MEF2C: variants seen among roughly 807,000 people sequenced by gnomAD.
The protein encoded by MEF2C is myocyte enhancer factor 2C, also known as myocyte-specific enhancer factor 2C.
A neutral mutation model predicts 50.5 loss-of-function variants in MEF2C; 6 were observed. The ratio of observed to expected loss-of-function variants is 0.12; its 90% confidence interval spans 0.07 to 0.23. The LOEUF is 0.23. MEF2C is among the 10% of genes least tolerant of loss of function. The pLI is 1.00. For missense variants in MEF2C, 276 were observed against 605.0 expected (o/e 0.46, Z 5.70); for synonymous variants, 183 against 228.0 (o/e 0.80, Z 1.78).
intron 3 of MEF2C, among the ~76,000 whole-genome samples, chr5:88,788,331 G>A (rs1487024004): frequency 6.6e-6 from 1 of 151,844 alleles, no homozygotes; most frequent in Non-Finnish European, 1.5e-5. Context: ...CTCCCGAGTA[G>A]CTGGGATTAC....
chr5:88,788,064 T>C (rs1481251352), intron 3 of MEF2C, among the ~76,000 whole-genome samples: 1 of 152,222 alleles, frequency 6.6e-6, no homozygotes, highest in East Asian at 1.9e-4. Flanking sequence ...ACAGTGGGCA[T>C]GTCATAAATG....
chr5:88,861,378 C>A (rs1384149909), intron 1 of MEF2C, among the ~76,000 whole-genome samples: 1 of 152,186 alleles, frequency 6.6e-6, no homozygotes, highest in Non-Finnish European at 1.5e-5. Flanking sequence ...AATGTGAAGC[C>A]AGATCTGAAA....
chr5:88,733,039 T>A, intron 6 of MEF2C: 1 of 975,434 alleles, frequency 1.0e-6, no homozygotes, highest in Non-Finnish European at 1.2e-6. Context: ...GGTAATCCAA[T>A]ACATACTCAT....
chr5:88,740,541 AG>A, intron 6 of MEF2C: 1 of 984,250 alleles, frequency 1.0e-6, no homozygotes, highest in African/African-American at 1.7e-5. Context: ...TCACCCTGTC[AG>A]CAAGGAAGAG....
chr5:88,810,968 A>G (rs990238908), intron 2 of MEF2C, among the ~76,000 whole-genome samples: 1 of 152,164 alleles, frequency 6.6e-6, no homozygotes, highest in South Asian at 2.1e-4. Flanking sequence ...ATTTTTAAAA[A>G]ACAATTACAA....
At chr5:88,816,402 A>C (rs923856716) in intron 2 of MEF2C, among the ~76,000 whole-genome samples, 2 of 151,448 alleles carry the variant, frequency 1.3e-5, no homozygotes, top group African/African-American at 4.9e-5. Context: ...CTAAGGGATA[A>C]AATGGAAATG....
At chr5:88,861,502 C>G (rs1363297682) in intron 1 of MEF2C, among the ~76,000 whole-genome samples, 1 of 152,154 alleles carries the variant, frequency 6.6e-6, no homozygotes, top group Non-Finnish European at 1.5e-5. Context: ...CAGTTCTGAG[C>G]TAATTCACCT....
At chr5:88,881,251 A>G (rs975450166) in intron 1 of MEF2C, 8 of 152,206 alleles carry the variant, frequency 5.3e-5, no homozygotes, top group Non-Finnish European at 1.2e-4. Context: ...TACAAATAGA[A>G]TGAGATATTT....
chr5:88,850,971 A>G (rs1561333898), intron 1 of MEF2C, among the ~76,000 whole-genome samples: 1 of 151,894 alleles, frequency 6.6e-6, no homozygotes, highest in Non-Finnish European at 1.5e-5. Flanking sequence ...CTTTTCTATG[A>G]TTTTCTTAAG....
intron 3 of MEF2C, among the ~76,000 whole-genome samples, chr5:88,764,588 T>C (rs1045177959): frequency 1.3e-5 from 2 of 152,038 alleles, no homozygotes; most frequent in Admixed American, 6.5e-5. Flanking sequence ...GGCAGGCCGA[T>C]CACGAGGTCA....
chr5:88,841,092 G>A (rs141123871), intron 1 of MEF2C, among the ~76,000 whole-genome samples: 1,880 of 152,202 alleles, frequency 0.012, 23 homozygotes, highest in Non-Finnish European at 0.019. Context: ...GGTTCCCAGC[G>A]TCATCCTTCA....
At chr5:88,790,411 C>G (rs554328244) in intron 3 of MEF2C, among the ~76,000 whole-genome samples, 51 of 152,326 alleles carry the variant, frequency 3.3e-4, no homozygotes, top group South Asian at 1.5e-3. Flanking sequence ...CTGCCCTATA[C>G]CCACTGAGTT....
chr5:88,727,863 G>A (rs551190481), intron 10 of MEF2C, among the ~76,000 whole-genome samples: 37 of 152,102 alleles, frequency 2.4e-4, no homozygotes, highest in African/African-American at 8.7e-4. Flanking sequence ...AATGACAAGA[G>A]TCATTTCTAT....
At chr5:88,849,402 A>G (rs1820488500) in intron 1 of MEF2C, among the ~76,000 whole-genome samples, 1 of 152,174 alleles carries the variant, frequency 6.6e-6, no homozygotes, top group African/African-American at 2.4e-5. Context: ...TGTTAAAAAT[A>G]AATAAATAAT....
At chr5:88,780,041 G>A (rs1268908014) in intron 3 of MEF2C, among the ~76,000 whole-genome samples, 2 of 151,908 alleles carry the variant, frequency 1.3e-5, no homozygotes, top group Non-Finnish European at 2.9e-5. Flanking sequence ...CAGCTACTTG[G>A]GAGGCTGAGG....
At chr5:88,877,463 ATAGT>A (rs1273301164) in intron 1 of MEF2C, among the ~76,000 whole-genome samples, 1 of 152,060 alleles carries the variant, frequency 6.6e-6, no homozygotes, top group African/African-American at 2.4e-5. Context: ...AAACATTAAA[ATAGT>A]ATCAAGGAGA....
chr5:88,764,644 C>CA (rs1779208109), intron 3 of MEF2C, among the ~76,000 whole-genome samples: 1 of 151,232 alleles, frequency 6.6e-6, no homozygotes, highest in Non-Finnish European at 1.5e-5. Context: ...CTGTCTCTAC[C>CA]AAAAATACAA....
chr5:88,783,367 G>A (rs1000252382), intron 3 of MEF2C, among the ~76,000 whole-genome samples: 1 of 152,130 alleles, frequency 6.6e-6, no homozygotes, highest in Non-Finnish European at 1.5e-5. Flanking sequence ...AGTGGTTCAC[G>A]CCTGTAATCC....
chr5:88,744,856 C>G (rs1294631160), intron 6 of MEF2C, among the ~76,000 whole-genome samples: 1 of 152,108 alleles, frequency 6.6e-6, no homozygotes, highest in Non-Finnish European at 1.5e-5. Context: ...AGATACCAAC[C>G]CACATTTCAT....
Sources: allele counts gnomAD v4.1 joint callset (sites outside exome capture counted in the v4.1 genomes callset), GRCh38; gene constraint gnomAD v4.1.1; transcripts MANE v1.5; gene names NCBI Gene and HGNC (gene_info 2026-07-23, HGNC 2026-07-21).